The following SH3GL2 variants were observed in gnomAD, a reference collection of about 807,000 sequenced individuals.
SH3GL2 encodes the protein endophilin-A1.
Under a neutral mutation model 46.0 loss-of-function variants are expected in SH3GL2, and 24 were observed. That is an observed-to-expected ratio of 0.52 (90% CI 0.38 to 0.73). SH3GL2 has a LOEUF of 0.73. SH3GL2 is among the 30% of genes least tolerant of loss of function. The probability of loss-of-function intolerance (pLI) is 0.00; values close to 1 mark genes in which losing one functional copy is unlikely to be tolerated. For missense variants in SH3GL2, 413 were observed against 424.2 expected (o/e 0.97, Z 0.23); for synonymous variants, 196 against 147.1 (o/e 1.33, Z -2.40).
intron 1 of SH3GL2, among the ~76,000 whole-genome samples, chr9:17,669,768 T>A (rs1438400084): frequency 2.6e-5 from 4 of 152,100 alleles, no homozygotes; most frequent in African/African-American, 4.8e-5. Context: ...GATAAATGCT[T>A]ATGAGGGTGA....
chr9:17,741,270 A>C (rs958877210), intron 1 of SH3GL2, among the ~76,000 whole-genome samples: 64 of 152,332 alleles, frequency 4.2e-4, no homozygotes, highest in African/African-American at 1.5e-3. Context: ...GTGGGTATAC[A>C]CACAAAAACA....
rs58474566 is a variant in SH3GL2, at chr9:17,608,147, C to CTTTT, written c.45+28875_45+28878dup. On this transcript the variant is annotated intron_variant, in intron 1 of 8. Transcript: ENST00000380607. ...GAATTTAGAATTTGTAAGCTTTCCT[C>CTTTT]TTTTTTTTTTTTTTTTTTGAGATGG... Among the ~76,000 whole-genome samples, 993 of 120,308 alleles carry CTTTT rather than the reference C, an allele frequency of 8.3e-3. 42 individuals carry two copies. The highest frequency in any genetic ancestry group is 0.017 in the African/African-American group (566 of 32,380). 78.9% of individuals were successfully genotyped at this position (120,308 alleles called of 152,430 possible). A position where few individuals can be genotyped will look rare whatever the true frequency, so the allele number is the denominator to read the frequency against.
chr9:17,776,076 A>C (rs1823633901), intron 3 of SH3GL2, among the ~76,000 whole-genome samples: 1 of 152,076 alleles, frequency 6.6e-6, no homozygotes, highest in East Asian at 1.9e-4. Context: ...TGGGGAGAAA[A>C]ATAGGGTGCG....
intron 1 of SH3GL2, among the ~76,000 whole-genome samples, chr9:17,701,151 T>G (rs796154584): frequency 4.6e-5 from 7 of 152,244 alleles, no homozygotes; most frequent in African/African-American, 1.4e-4. Flanking sequence ...CAGAGAATCC[T>G]CCCTCTGGTT....
At chr9:17,782,423 A>C (rs112726472) in intron 3 of SH3GL2, among the ~76,000 whole-genome samples, 1,896 of 152,322 alleles carry the variant, frequency 0.012, 47 homozygotes, top group African/African-American at 0.043. Flanking sequence ...TCCTAAGGGA[A>C]GATTGGAGTG....
intron 1 of SH3GL2, among the ~76,000 whole-genome samples, chr9:17,737,915 C>G (rs1298798417): frequency 6.6e-6 from 1 of 152,118 alleles, no homozygotes; most frequent in Non-Finnish European, 1.5e-5. Flanking sequence ...AATCCCATGT[C>G]TGTTCATCTG....
intron 1 of SH3GL2, among the ~76,000 whole-genome samples, chr9:17,636,474 T>C (rs1819547811): frequency 6.6e-6 from 1 of 152,244 alleles, no homozygotes; most frequent in Admixed American, 6.5e-5. Flanking sequence ...TGATCCATCT[T>C]TGCATTCTCC....
intron 1 of SH3GL2, among the ~76,000 whole-genome samples, chr9:17,746,336 A>G (rs1387807507): frequency 4.6e-5 from 7 of 152,188 alleles, no homozygotes; most frequent in East Asian, 1.9e-4. Context: ...TCGGCCTCCC[A>G]AAGTGCTGGG....
chr9:17,665,228 A>C (rs918628408), intron 1 of SH3GL2, among the ~76,000 whole-genome samples: 2 of 152,202 alleles, frequency 1.3e-5, no homozygotes, highest in African/African-American at 4.8e-5. Flanking sequence ...GTGATAAGAA[A>C]CAAAACTTTT....
chr9:17,608,275 G>C (rs1170663859), intron 1 of SH3GL2, among the ~76,000 whole-genome samples: 2 of 150,600 alleles, frequency 1.3e-5, no homozygotes, highest in Non-Finnish European at 2.9e-5. Context: ...AGCCTCCCGA[G>C]TATCTGGGAC....
At chr9:17,782,623 CCA>C (rs1028131773) in intron 3 of SH3GL2, among the ~76,000 whole-genome samples, 3 of 152,120 alleles carry the variant, frequency 2.0e-5, no homozygotes, top group African/African-American at 7.2e-5. Flanking sequence ...TCCTATGAGA[CCA>C]CAGAGTGAGT....
chr9:17,726,895 G>A (rs1481957003), intron 1 of SH3GL2, among the ~76,000 whole-genome samples: 2 of 152,102 alleles, frequency 1.3e-5, no homozygotes, highest in African/African-American at 4.8e-5. Flanking sequence ...GAATGCAGCA[G>A]TAACAAAATA....
chr9:17,751,479 C>CGTGTGTGTGTGTGTGTGT (rs58212352), intron 2 of SH3GL2, among the ~76,000 whole-genome samples: 45 of 146,470 alleles, frequency 3.1e-4, no homozygotes, highest in African/African-American at 1.1e-3. Context: ...TTTGTGTGTG[C>CGTGTGTGTGTGTGTGTGT]GTGTGTGTGT....
At chr9:17,640,779 A>G (rs903396771) in intron 1 of SH3GL2, among the ~76,000 whole-genome samples, 8 of 152,234 alleles carry the variant, frequency 5.3e-5, no homozygotes, top group African/African-American at 1.7e-4. Flanking sequence ...TTTACTTACT[A>G]TGTCCTTGAA....
At chr9:17,694,370 A>G (rs1210233916) in intron 1 of SH3GL2, among the ~76,000 whole-genome samples, 1 of 152,112 alleles carries the variant, frequency 6.6e-6, no homozygotes, top group African/African-American at 2.4e-5. Context: ...TTGATTGCCT[A>G]TTTTTTAATG....
At chr9:17,728,039 T>C (rs891090711) in intron 1 of SH3GL2, among the ~76,000 whole-genome samples, 2 of 152,200 alleles carry the variant, frequency 1.3e-5, no homozygotes, top group Non-Finnish European at 2.9e-5. Flanking sequence ...ATTGTATTTG[T>C]TACATGTTAT....
chr9:17,700,085 G>A (rs1428075328), intron 1 of SH3GL2, among the ~76,000 whole-genome samples: 1 of 145,336 alleles, frequency 6.9e-6, no homozygotes, highest in Non-Finnish European at 1.5e-5. Flanking sequence ...CACAATCTCA[G>A]AAGAAGAACA....
intron 6 of SH3GL2, among the ~76,000 whole-genome samples, chr9:17,790,115 C>T (rs1044552793): frequency 2.6e-5 from 4 of 152,158 alleles, no homozygotes; most frequent in African/African-American, 7.2e-5. Flanking sequence ...AGAGCTGTGA[C>T]ATCCAAAGAC....
chr9:17,616,708 A>G (rs995491044), intron 1 of SH3GL2, among the ~76,000 whole-genome samples: 9 of 152,360 alleles, frequency 5.9e-5, no homozygotes, highest in Admixed American at 2.0e-4. Flanking sequence ...TGTCAACCTT[A>G]AAAATCGTAT....
Sources: allele counts gnomAD v4.1 joint callset (sites outside exome capture counted in the v4.1 genomes callset), GRCh38; gene constraint gnomAD v4.1.1; transcripts MANE v1.5; gene names NCBI Gene and HGNC (gene_info 2026-07-23, HGNC 2026-07-21).